PAM: variants seen among roughly 807,000 people sequenced by gnomAD.
The protein encoded by PAM is peptidyl-glycine alpha-amidating monooxygenase.
A neutral mutation model predicts 122.1 loss-of-function variants in PAM; 72 were observed. The ratio of observed to expected loss-of-function variants is 0.59; its 90% CI spans 0.49 to 0.72. PAM has a LOEUF of 0.72. PAM is among the 30% of genes least tolerant of loss of function. The pLI is 0.00. For missense variants in PAM, 1,106 were observed against 1,183.7 expected (o/e 0.93, Z 0.96); for synonymous variants, 389 against 404.4 (o/e 0.96, Z 0.46).
chr5:102,948,002 T>A (rs1757572137), intron 8 of PAM, among the ~76,000 whole-genome samples: 1 of 152,062 alleles, frequency 6.6e-6, no homozygotes, highest in African/African-American at 2.4e-5. Context: ...ACCTTAGTCT[T>A]TTCTCTTCAG....
chr5:102,998,026 G>A (rs1227761325), intron 16 of PAM, among the ~76,000 whole-genome samples: 1 of 152,196 alleles, frequency 6.6e-6, no homozygotes, highest in Non-Finnish European at 1.5e-5. Flanking sequence ...CTGTCAGTGA[G>A]TAATTTAACC....
At chr5:102,962,183 C>CTG (rs1762707532) in intron 14 of PAM, among the ~76,000 whole-genome samples, 1 of 151,740 alleles carries the variant, frequency 6.6e-6, no homozygotes, top group Non-Finnish European at 1.5e-5. Context: ...AAAATGCATT[C>CTG]TGAAAGAAGC....
intron 1 of PAM, among the ~76,000 whole-genome samples, chr5:102,767,827 G>C (rs534906582): frequency 1.4e-3 from 214 of 152,274 alleles, no homozygotes; most frequent in African/African-American, 4.9e-3. Context: ...TTTCACTGCT[G>C]TTGTAGAAAT....
At chr5:102,756,447 T>C (rs1750352850) in intron 1 of PAM, among the ~76,000 whole-genome samples, 1 of 152,202 alleles carries the variant, frequency 6.6e-6, no homozygotes, top group Non-Finnish European at 1.5e-5. Flanking sequence ...CTTTGTTTGC[T>C]TCAGATGTTT....
intron 4 of PAM, among the ~76,000 whole-genome samples, chr5:102,912,957 T>TGTA (rs1357798414): frequency 1.3e-5 from 2 of 152,088 alleles, no homozygotes; most frequent in East Asian, 1.9e-4. Flanking sequence ...TATAGTTTGG[T>TGTA]GTAGAACATT....
At chr5:102,775,258 G>A (rs1204901188) in intron 1 of PAM, among the ~76,000 whole-genome samples, 1 of 152,040 alleles carries the variant, frequency 6.6e-6, no homozygotes, top group Non-Finnish European at 1.5e-5. Flanking sequence ...TTGGTCTGCA[G>A]TGTTGGTACT....
chr5:102,906,652 A>T (rs755540781), intron 4 of PAM, among the ~76,000 whole-genome samples: 2 of 151,602 alleles, frequency 1.3e-5, no homozygotes, highest in African/African-American at 4.8e-5. Context: ...AAAGAACCAG[A>T]CTCATAGGGT....
chr5:102,756,454 G>A (rs1227141769), intron 1 of PAM, among the ~76,000 whole-genome samples: 1 of 152,130 alleles, frequency 6.6e-6, no homozygotes, highest in Non-Finnish European at 1.5e-5. Flanking sequence ...TGCTTCAGAT[G>A]TTTTACATTC....
At chr5:102,788,164 G>A (rs1356642246) in intron 1 of PAM, among the ~76,000 whole-genome samples, 1 of 152,024 alleles carries the variant, frequency 6.6e-6, no homozygotes, top group African/African-American at 2.4e-5. Flanking sequence ...CAGATCTGAA[G>A]TAATTTTCTT....
At chr5:102,791,186 C>A (rs926473322) in intron 1 of PAM, among the ~76,000 whole-genome samples, 3 of 152,020 alleles carry the variant, frequency 2.0e-5, no homozygotes, top group Non-Finnish European at 2.9e-5. Context: ...GATGAAAATA[C>A]TTTTAGATTA....
intron 1 of PAM, among the ~76,000 whole-genome samples, chr5:102,764,407 T>C (rs1454472296): frequency 6.6e-6 from 1 of 151,992 alleles, no homozygotes; most frequent in African/African-American, 2.4e-5. Flanking sequence ...AAAAACCTCT[T>C]GAAGAGGTAG....
chr5:102,837,882 C>T (rs539448460), intron 1 of PAM: 2 of 152,190 alleles, frequency 1.3e-5, no homozygotes, highest in East Asian at 3.9e-4. Flanking sequence ...AGAAAAATAC[C>T]ACAGCCTTAA....
At chr5:102,787,697 C>T (rs1274386488) in intron 1 of PAM, among the ~76,000 whole-genome samples, 1 of 151,908 alleles carries the variant, frequency 6.6e-6, no homozygotes, top group East Asian at 1.9e-4. Context: ...TCCTAGGGGA[C>T]CCGTAGTTCC....
intron 1 of PAM, among the ~76,000 whole-genome samples, chr5:102,818,024 CAAAA>C (rs753744226): frequency 1.8e-5 from 1 of 55,460 alleles, no homozygotes; most frequent in Admixed American, 2.2e-4. Flanking sequence ...TTTTTTTTCT[CAAAA>C]AAAAAAAAAA....
At chr5:102,882,397 A>T (rs1191733372) in intron 3 of PAM, among the ~76,000 whole-genome samples, 1 of 151,010 alleles carries the variant, frequency 6.6e-6, no homozygotes, top group African/African-American at 2.4e-5. Context: ...TATTTTATAG[A>T]TTTTTTTTAT....
At chr5:102,800,180 CT>C (rs951283566) in intron 1 of PAM, among the ~76,000 whole-genome samples, 1 of 152,188 alleles carries the variant, frequency 6.6e-6, no homozygotes, top group Admixed American at 6.5e-5. Flanking sequence ...TTTGTTCTTG[CT>C]GCTTTCTATG....
rs1378107063 is a variant in PAM, at chr5:103,029,558, G to A, written c.*493G>A. 6.6e-6 allele frequency: 1 copy of A among 152,550 alleles called. No homozygotes were observed. The highest frequency in any genetic ancestry group is 1.5e-5 in the Non-Finnish European group (1 of 68,076). 9.4% of individuals were successfully genotyped at this position (152,550 alleles called of 1,614,324 possible). On this transcript the variant is annotated 3_prime_UTR_variant, in exon 26 of 26. Coordinates refer to ENST00000438793, the MANE Select transcript of PAM (RefSeq NM_001177306.2). ...TTTTTAAAATCACTAACATTATATT[G>A]CAATGAAGGAAATAAAAAAGTCTCT...
chr5:102,931,516 C>T (rs192620964), intron 7 of PAM, among the ~76,000 whole-genome samples: 12 of 152,264 alleles, frequency 7.9e-5, no homozygotes, highest in South Asian at 2.1e-4. Flanking sequence ...CATTTCTTCT[C>T]GATGTTTTGG....
chr5:102,877,572 C>A (rs1789634741), intron 3 of PAM, among the ~76,000 whole-genome samples: 2 of 152,154 alleles, frequency 1.3e-5, no homozygotes, highest in African/African-American at 4.8e-5. Context: ...GTAAAGCTAC[C>A]ATTCTAGAAA....
Sources: gnomAD v4.1 joint callset for allele counts (sites outside exome capture counted in the v4.1 genomes callset) on GRCh38, gnomAD v4.1.1 for gene constraint, MANE v1.5 for transcripts, NCBI Gene and HGNC (gene_info 2026-07-23, HGNC 2026-07-21) for gene names.